The following LARP1 variants were observed in gnomAD, a reference collection of about 807,000 sequenced individuals.
The protein encoded by LARP1 is La ribonucleoprotein 1, translational regulator.
A neutral mutation model predicts 122.7 loss-of-function variants in LARP1; 36 were observed. The ratio of observed to expected loss-of-function variants is 0.29; its 90% confidence interval spans 0.22 to 0.39. The LOEUF (loss-of-function observed/expected upper bound fraction) is 0.39. Ranked by LOEUF, LARP1 falls within the 10% of genes least tolerant of loss-of-function variation. The pLI, the probability that LARP1 is intolerant of heterozygous loss-of-function variation, is 1.00. For missense variants in LARP1, 1,040 were observed against 1,403.6 expected (o/e 0.74, Z 4.14); for synonymous variants, 539 against 528.7 (o/e 1.02, Z -0.27).
intron 1 of LARP1, among the ~76,000 whole-genome samples, chr5:154,719,252 G>A (rs563691273): frequency 1.4e-4 from 21 of 152,218 alleles, no homozygotes; most frequent in African/African-American, 3.9e-4. Flanking sequence ...TTCAGAGAGT[G>A]CACATCGAAG....
intron 1 of LARP1, among the ~76,000 whole-genome samples, chr5:154,770,476 G>A (rs1043716387): frequency 6.6e-6 from 1 of 152,010 alleles, no homozygotes; most frequent in African/African-American, 2.4e-5. Context: ...CTCCCGGCCT[G>A]TCCCTGGCTC....
chr5:154,684,860 A>G (rs1463154266), intron 1 of LARP1, among the ~76,000 whole-genome samples: 1 of 152,174 alleles, frequency 6.6e-6, no homozygotes, highest in African/African-American at 2.4e-5. Context: ...AGTTTCTACC[A>G]TTGTGCACTC....
intron 1 of LARP1, among the ~76,000 whole-genome samples, chr5:154,688,181 C>T (rs1582136925): frequency 6.6e-6 from 1 of 152,128 alleles, no homozygotes; most frequent in South Asian, 2.1e-4. Flanking sequence ...CCTGTGGCTG[C>T]CCTGATGTTG....
chr5:154,762,703 C>G (rs572818704), intron 1 of LARP1, among the ~76,000 whole-genome samples: 23 of 152,198 alleles, frequency 1.5e-4, no homozygotes, highest in Non-Finnish European at 2.6e-4. Context: ...GATGATTCCT[C>G]CATGACAGGC....
intron 3 of LARP1, among the ~76,000 whole-genome samples, chr5:154,792,421 G>C (rs1227022757): frequency 6.6e-6 from 1 of 152,190 alleles, no homozygotes; most frequent in East Asian, 1.9e-4. Context: ...GAGATAAGTT[G>C]CCTTCCCACC....
intron 1 of LARP1, among the ~76,000 whole-genome samples, chr5:154,769,200 TA>T (rs928138808): frequency 5.3e-5 from 8 of 152,302 alleles, no homozygotes; most frequent in Middle Eastern, 3.4e-3. Context: ...AAAGCTGTTA[TA>T]GGGGTAAAAA....
At chr5:154,741,618 G>A (rs1432697072) in intron 1 of LARP1, among the ~76,000 whole-genome samples, 2 of 152,162 alleles carry the variant, frequency 1.3e-5, no homozygotes, top group East Asian at 1.9e-4. Flanking sequence ...GGAACACCAT[G>A]CCCTAGGGGC....
At chr5:154,687,281 G>A (rs918550830) in intron 1 of LARP1, among the ~76,000 whole-genome samples, 1 of 152,190 alleles carries the variant, frequency 6.6e-6, no homozygotes, top group Non-Finnish European at 1.5e-5. Flanking sequence ...TAAAGATGAA[G>A]ATAATAATCT....
chr5:154,786,480 C>T lies in LARP1; in HGVS notation c.437-3845C>T, dbSNP rs150028796. The T allele has an allele frequency of 4.4e-3, 1,988 of 456,112 alleles. 29 individuals are homozygous for T. The highest frequency in any genetic ancestry group is 0.033 in the African/African-American group (1,669 of 50,164). 28.3% of individuals were successfully genotyped at this position (456,112 alleles called of 1,614,324 possible). On this transcript the variant is annotated intron_variant, in intron 1 of 18. Coordinates refer to ENST00000518297, the MANE Select transcript of LARP1 (RefSeq NM_033551.3). ...GGTGGTTTTCCTTCTCTTCCAGATA[C>T]CCTTTAGGGCTGGTTTGCCTTAGTT...
rs1190495737 is a variant in LARP1, at chr5:154,797,234, T to TG, written c.1377+1915_1377+1916insG. Among the ~76,000 whole-genome samples the TG allele has an allele frequency of 2.2e-3, 296 of 132,064 alleles. 1 individual carries two copies. The highest frequency in any genetic ancestry group is 8.4e-3 in the African/African-American group (293 of 34,942). 86.6% of individuals were successfully genotyped at this position (132,064 alleles called of 152,430 possible). Reference sequence around the variant, plus strand: ...TTTGTTGTTGTTGTTTTTTTTTTTTTTTTTTTTTTTTTTTTTGAGACAGAG... The same window carrying TG: ...TTTGTTGTTGTTGTTTTTTTTTTTTTGTTTTTTTTTTTTTTTTGAGACAGAG... On this transcript the variant is annotated intron_variant, in intron 8 of 18. Transcript: ENST00000518297.
chr5:154,721,346 C>CA lies in LARP1; in HGVS notation c.205+8241dup, dbSNP rs70981943. Among the ~76,000 whole-genome samples, 372 of 126,722 alleles carry CA rather than the reference C, an allele frequency of 2.9e-3. 1 individual carries two copies. Among genetic ancestry groups the CA allele is most frequent in the South Asian group, 5.0e-3 (20 of 4,014 alleles). 83.1% of individuals were successfully genotyped at this position (126,722 alleles called of 152,430 possible). A position where few individuals can be genotyped will look rare whatever the true frequency, so the allele number is the denominator to read the frequency against. On this transcript the variant is annotated intron_variant, in intron 1 of 18. Coordinates refer to the LARP1 transcript ENST00000336314. ...TGGGCAACAGAGCGAGACTCCGTCT[C>CA]AAAAAAAAAAAAAAAAAAAAAAAAA...
At chr5:154,769,282 G>A (rs1321729134) in intron 1 of LARP1, among the ~76,000 whole-genome samples, 1 of 152,250 alleles carries the variant, frequency 6.6e-6, no homozygotes, top group African/African-American at 2.4e-5. Flanking sequence ...CCCTTTAGGT[G>A]AAGAGTGCCA....
intron 1 of LARP1, among the ~76,000 whole-genome samples, chr5:154,743,135 T>C (rs1752995207): frequency 6.6e-6 from 1 of 152,166 alleles, no homozygotes. Flanking sequence ...ATGGACTACA[T>C]CTTGGTGTAT....
intron 1 of LARP1, among the ~76,000 whole-genome samples, chr5:154,700,275 T>A (rs1254563247): frequency 1.3e-5 from 2 of 152,218 alleles, no homozygotes; most frequent in Admixed American, 1.3e-4. Context: ...TGCCCTGAGC[T>A]CCAAGATGGC....
Position 154,803,182 on chromosome 5 carries a change from C to G in LARP1, c.2110-108C>G, listed in dbSNP as rs949086499. 2.1e-6 allele frequency: 3 copies of G among 1,415,082 alleles called. No individual in the cohort carries two copies. Among genetic ancestry groups the G allele is most frequent in the Non-Finnish European group, 3.0e-6 (3 of 1,014,326 alleles). 87.7% of individuals were successfully genotyped at this position (1,415,082 alleles called of 1,614,324 possible). A position where few individuals can be genotyped will look rare whatever the true frequency, so the allele number is the denominator to read the frequency against. ...CTGGGGACCAGAATTCCACGTATGT[C>G]GACGTGGGAGCTGCCCTCTCCAACT... On this transcript the variant is annotated intron_variant, in intron 11 of 18. Coordinates refer to ENST00000518297, the MANE Select transcript of LARP1 (RefSeq NM_033551.3). The surrounding 1 kb of genome is among the most constrained non-coding windows in gnomAD (Gnocchi z 4.4).
chr5:154,741,627 G>A (rs1413032616), intron 1 of LARP1, among the ~76,000 whole-genome samples: 1 of 152,168 alleles, frequency 6.6e-6, no homozygotes, highest in African/African-American at 2.4e-5. Context: ...TGCCCTAGGG[G>A]CCCGCAGGCT....
chr5:154,706,728 G>GA (rs1335848584), intron 1 of LARP1, among the ~76,000 whole-genome samples: 271 of 128,538 alleles, frequency 2.1e-3, no homozygotes, highest in African/African-American at 4.2e-3. Flanking sequence ...TGGAAAGTTG[G>GA]AAAAAAAAAA....
intron 1 of LARP1, among the ~76,000 whole-genome samples, chr5:154,719,879 G>T (rs1257750508): frequency 7.7e-6 from 1 of 130,616 alleles, no homozygotes. Context: ...AAAAAAAAAA[G>T]ATATAACTAT....
intron 1 of LARP1, among the ~76,000 whole-genome samples, chr5:154,768,220 A>G (rs899888537): frequency 2.0e-5 from 3 of 152,192 alleles, no homozygotes; most frequent in African/African-American, 7.2e-5. Context: ...TTGGGACAGT[A>G]GTTTAGAGCA....
Sources: allele counts gnomAD v4.1 joint callset (sites outside exome capture counted in the v4.1 genomes callset), GRCh38; gene constraint gnomAD v4.1.1; non-coding constraint Gnocchi (gnomAD v3.1); transcripts MANE v1.5; gene names NCBI Gene and HGNC (gene_info 2026-07-23, HGNC 2026-07-21).